The following HS3ST5 variants were observed in gnomAD, a reference collection of about 807,000 sequenced individuals.
The protein encoded by HS3ST5 is heparan sulfate glucosamine 3-O-sulfotransferase 5.
A neutral mutation model predicts 25.4 loss-of-function variants in HS3ST5; 10 were observed. The ratio of observed to expected loss-of-function variants is 0.39; its 90% CI spans 0.24 to 0.67. The LOEUF (loss-of-function observed/expected upper bound fraction) is 0.67, where lower values mean the gene tolerates loss of function less well. HS3ST5 is among the 30% of genes least tolerant of loss of function. The probability of loss-of-function intolerance (pLI) is 0.44; values close to 1 mark genes in which losing one functional copy is unlikely to be tolerated. For missense variants in HS3ST5, 324 were observed against 420.7 expected (o/e 0.77, Z 2.01); for synonymous variants, 170 against 162.4 (o/e 1.05, Z -0.36).
intron 3 of HS3ST5, among the ~76,000 whole-genome samples, chr6:114,115,944 G>A (rs1290351965): frequency 6.6e-6 from 1 of 151,986 alleles, no homozygotes; most frequent in East Asian, 1.9e-4. Context: ...CACTGCAGTT[G>A]AACTGGCCCT....
At chr6:114,333,315 G>A (rs1032804042) in intron 1 of HS3ST5, among the ~76,000 whole-genome samples, 1 of 152,112 alleles carries the variant, frequency 6.6e-6, no homozygotes, top group African/African-American at 2.4e-5. Flanking sequence ...CACTTTTCTT[G>A]GATGTCTGCG....
intron 1 of HS3ST5, among the ~76,000 whole-genome samples, chr6:114,279,721 G>A (rs1005421744): frequency 7.2e-5 from 11 of 151,954 alleles, no homozygotes; most frequent in Non-Finnish European, 1.2e-4. Context: ...CCAGATATAG[G>A]ACATGTCTCT....
intron 1 of HS3ST5, among the ~76,000 whole-genome samples, chr6:114,297,501 T>C (rs1428520185): frequency 6.6e-6 from 1 of 152,218 alleles, no homozygotes; most frequent in Non-Finnish European, 1.5e-5. Flanking sequence ...GGGAAAAGCA[T>C]CTTTCCAGAC....
intron 1 of HS3ST5, among the ~76,000 whole-genome samples, chr6:114,277,176 C>A (rs2114723617): frequency 6.6e-6 from 1 of 151,222 alleles, no homozygotes; most frequent in Non-Finnish European, 1.5e-5. Context: ...TTTGCAGAAT[C>A]ACTTCCTCCT....
chr6:114,093,176 AC>A (rs145944449), intron 3 of HS3ST5, among the ~76,000 whole-genome samples: 1,878 of 152,236 alleles, frequency 0.012, 18 homozygotes, highest in Middle Eastern at 0.027. Context: ...GTAATCCTCC[AC>A]ATGCACCAGT....
chr6:114,255,816 C>A (rs1772882142), intron 1 of HS3ST5, among the ~76,000 whole-genome samples: 1 of 152,094 alleles, frequency 6.6e-6, no homozygotes, highest in Admixed American at 6.6e-5. Context: ...AGTCTCTAGG[C>A]TGCACATAGC....
chr6:114,107,987 TAG>T (rs970502182), intron 3 of HS3ST5, among the ~76,000 whole-genome samples: 7 of 152,104 alleles, frequency 4.6e-5, no homozygotes, highest in African/African-American at 1.4e-4. Flanking sequence ...TAGAAATTGA[TAG>T]GAGTTCTAAA....
At chr6:114,328,792 G>A (rs1202987888) in intron 1 of HS3ST5, among the ~76,000 whole-genome samples, 1 of 152,150 alleles carries the variant, frequency 6.6e-6, no homozygotes, top group African/African-American at 2.4e-5. Context: ...TACTTTGAAT[G>A]ATAAAAGATG....
chr6:114,224,697 T>TAC (rs67203600), intron 2 of HS3ST5, among the ~76,000 whole-genome samples: 4,492 of 145,496 alleles, frequency 0.031, 132 homozygotes, highest in African/African-American at 0.081. Context: ...CATATATATA[T>TAC]ATACACACAC....
intron 2 of HS3ST5, among the ~76,000 whole-genome samples, chr6:114,188,413 C>A (rs1049296514): frequency 6.6e-6 from 1 of 152,152 alleles, no homozygotes. Flanking sequence ...TGTAAACTCC[C>A]AGACAACTAA....
intron 2 of HS3ST5, among the ~76,000 whole-genome samples, chr6:114,190,876 T>C (rs777747314): frequency 9.2e-5 from 14 of 152,206 alleles, no homozygotes; most frequent in Non-Finnish European, 1.9e-4. Context: ...ACTCCAACAA[T>C]GACAAGAGCT....
At chr6:114,299,132 G>C (rs1379949664) in intron 1 of HS3ST5, among the ~76,000 whole-genome samples, 2 of 152,134 alleles carry the variant, frequency 1.3e-5, no homozygotes, top group African/African-American at 4.8e-5. Context: ...CCCTGAGAAA[G>C]AGAATGCACC....
chr6:114,213,091 C>A (rs548197526), intron 2 of HS3ST5, among the ~76,000 whole-genome samples: 11 of 151,984 alleles, frequency 7.2e-5, no homozygotes, highest in Admixed American at 3.3e-4. Context: ...TGGCTCTCAG[C>A]GGGATGGAGA....
intron 3 of HS3ST5, among the ~76,000 whole-genome samples, chr6:114,118,252 C>T (rs1200305720): frequency 6.6e-6 from 1 of 152,100 alleles, no homozygotes; most frequent in East Asian, 1.9e-4. Context: ...CCAGCTTAGC[C>T]ACTTCCACAT....
At chr6:114,303,575 G>A (rs576839392) in intron 1 of HS3ST5, among the ~76,000 whole-genome samples, 1 of 151,918 alleles carries the variant, frequency 6.6e-6, no homozygotes, top group Non-Finnish European at 1.5e-5. Context: ...AAAAGGCTCT[G>A]CAGGAAGAAG....
chr6:114,116,195 A>C (rs1439570507), intron 3 of HS3ST5: 1 of 152,108 alleles, frequency 6.6e-6, no homozygotes, highest in Non-Finnish European at 1.5e-5. Flanking sequence ...GAACTGTCTA[A>C]ATGTTAACAT....
At chr6:114,286,246 AATT>A (rs1182238972) in intron 1 of HS3ST5, among the ~76,000 whole-genome samples, 1 of 151,986 alleles carries the variant, frequency 6.6e-6, no homozygotes, top group Non-Finnish European at 1.5e-5. Context: ...TTTATCAAAA[AATT>A]AATAAATTTA....
chr6:114,180,777 A>G (rs1279522601), intron 2 of HS3ST5, among the ~76,000 whole-genome samples: 1 of 152,162 alleles, frequency 6.6e-6, no homozygotes, highest in East Asian at 1.9e-4. Context: ...TTGAACCTTA[A>G]TTACTTCCTA....
At chr6:114,161,935 TAATC>T (rs1396084592) in intron 3 of HS3ST5, among the ~76,000 whole-genome samples, 3 of 151,982 alleles carry the variant, frequency 2.0e-5, no homozygotes, top group Admixed American at 6.6e-5. Context: ...AATCTAGACT[TAATC>T]AATTCACATT....
Sources: gnomAD v4.1 joint callset for allele counts (sites outside exome capture counted in the v4.1 genomes callset) on GRCh38, gnomAD v4.1.1 for gene constraint, MANE v1.5 for transcripts, NCBI Gene and HGNC (gene_info 2026-07-23, HGNC 2026-07-21) for gene names.